BMPR1A: variants seen among roughly 807,000 people sequenced by gnomAD.
BMPR1A encodes the protein bone morphogenetic protein receptor type 1A.
A neutral mutation model predicts 66.0 loss-of-function variants in BMPR1A; 7 were observed. The observed-to-expected ratio is 0.11, with a 90% CI of 0.06 to 0.20. The LOEUF is 0.20. BMPR1A is among the 10% of genes least tolerant of loss of function. BMPR1A has a pLI of 1.00. For missense variants in BMPR1A, 408 were observed against 669.1 expected (o/e 0.61, Z 4.31); for synonymous variants, 200 against 229.7 (o/e 0.87, Z 1.17).
chr10:86,901,090 G>A (rs556642038), intron 7 of BMPR1A, among the ~76,000 whole-genome samples: 5 of 152,334 alleles, frequency 3.3e-5, no homozygotes, highest in Admixed American at 6.5e-5. Flanking sequence ...CATGCTATGT[G>A]GACACTCAAC....
chr10:86,766,624 T>TTTTTTTTA (rs1841167122), intron 1 of BMPR1A, among the ~76,000 whole-genome samples: 1 of 150,070 alleles, frequency 6.7e-6, no homozygotes, highest in African/African-American at 2.5e-5. Flanking sequence ...AGTCTTTTTT[T>TTTTTTTTA]TTTTTTTTTG....
chr10:86,921,502 G>C lies in BMPR1A; in HGVS notation c.1167-18G>C, dbSNP rs772767048. 1 of 1,613,706 alleles carries C rather than the reference G, an allele frequency of 6.2e-7. No individual in the cohort carries two copies. The highest frequency in any genetic ancestry group is 1.3e-5 in the African/African-American group (1 of 75,054). ...ATTTTTGGCCCTCAACTTGGACCTTGGCTTTCTTTTGTTTCAGTGACACAA... is the reference window on the plus strand; with the variant it reads ...ATTTTTGGCCCTCAACTTGGACCTTCGCTTTCTTTTGTTTCAGTGACACAA... On this transcript the variant is annotated intron_variant, in intron 10 of 12. Coordinates refer to ENST00000372037, the MANE Select transcript of BMPR1A (RefSeq NM_004329.3).
chr10:86,896,668 C>T (rs1843228116), intron 5 of BMPR1A, among the ~76,000 whole-genome samples: 1 of 152,070 alleles, frequency 6.6e-6, no homozygotes, highest in Non-Finnish European at 1.5e-5. Context: ...CTACTGAATG[C>T]ATTAAAAAAT....
At chr10:86,798,294 C>CT (rs1448304410) in intron 1 of BMPR1A, among the ~76,000 whole-genome samples, 2 of 152,046 alleles carry the variant, frequency 1.3e-5, no homozygotes, top group African/African-American at 4.8e-5. Context: ...AATTTCCATA[C>CT]TTAAAAAACT....
Position 86,925,788 on chromosome 10 carries a change from C to T in BMPR1A, c.*2069C>T, listed in dbSNP as rs368434240. The T allele has an allele frequency of 9.3e-3, 1,345 of 145,040 alleles. 21 individuals are homozygous for T. The highest frequency in any genetic ancestry group is 0.036 in the African/African-American group (1,257 of 34,696). The allele number at this position is 145,040 out of a possible 1,614,324, so 9.0% of individuals were successfully genotyped here. On this transcript the variant is annotated 3_prime_UTR_variant, in exon 13 of 13. Coordinates refer to ENST00000372037, the MANE Select transcript of BMPR1A (RefSeq NM_004329.3). The stretch of plus-strand genomic sequence containing the variant: ...CAGGCTGGACTGCGGACTGCAGTGG[C>T]GCAATCTCGGCTCACTGCAAGCTCC...
At chr10:86,860,334 A>G (rs1312365601) in intron 2 of BMPR1A, among the ~76,000 whole-genome samples, 2 of 152,174 alleles carry the variant, frequency 1.3e-5, no homozygotes, top group African/African-American at 4.8e-5. Context: ...AAGTTTTTAT[A>G]TATCTGTAGA....
At chr10:86,802,003 C>T (rs1037607816) in intron 1 of BMPR1A, among the ~76,000 whole-genome samples, 1 of 152,050 alleles carries the variant, frequency 6.6e-6, no homozygotes, top group Non-Finnish European at 1.5e-5. Flanking sequence ...TGTGAGCCAC[C>T]GCCCCCCACC....
chr10:86,906,083 C>CTT (rs1240383061), intron 7 of BMPR1A, among the ~76,000 whole-genome samples: 3 of 152,126 alleles, frequency 2.0e-5, no homozygotes, highest in Non-Finnish European at 2.9e-5. Context: ...GTCCTCTCAG[C>CTT]TTTTGTCTGC....
chr10:86,866,323 G>A (rs1036957426), intron 2 of BMPR1A, among the ~76,000 whole-genome samples: 1 of 109,250 alleles, frequency 9.2e-6, no homozygotes, highest in Non-Finnish European at 2.2e-5. Flanking sequence ...TTAACATGCA[G>A]TAACAAGTGG....
chr10:86,901,374 G>A lies in BMPR1A; in HGVS notation c.530+1248G>A, dbSNP rs564607919. Reference sequence around the variant, plus strand: ...CACAGTATTGGATAATCCAGTGTCCGACTTTCTGAAAATTGACTTTCAAGC... The same window carrying A: ...CACAGTATTGGATAATCCAGTGTCCAACTTTCTGAAAATTGACTTTCAAGC... On this transcript the variant is annotated intron_variant, in intron 7 of 12. Transcript: ENST00000372037. Among the ~76,000 whole-genome samples, 166 of 152,288 alleles carry A rather than the reference G, an allele frequency of 1.1e-3. 1 individual carries two copies. Among genetic ancestry groups the A allele is most frequent in the South Asian group, 2.7e-3 (13 of 4,828 alleles).
chr10:86,781,223 G>A (rs532861136), intron 1 of BMPR1A, among the ~76,000 whole-genome samples: 1 of 152,112 alleles, frequency 6.6e-6, no homozygotes, highest in Non-Finnish European at 1.5e-5. Flanking sequence ...TGAGTGTTGG[G>A]CGTCTGCTTT....
chr10:86,812,529 C>CAAATCCCAG (rs1841985328), intron 1 of BMPR1A, among the ~76,000 whole-genome samples: 1 of 152,170 alleles, frequency 6.6e-6, no homozygotes, highest in Non-Finnish European at 1.5e-5. Flanking sequence ...CAGCTAAGTA[C>CAAATCCCAG]CTAGGAATGG....
At chr10:86,899,401 T>C (rs1186188807) in intron 5 of BMPR1A, among the ~76,000 whole-genome samples, 1 of 152,264 alleles carries the variant, frequency 6.6e-6, no homozygotes, top group Admixed American at 6.5e-5. Context: ...CTGCAGCGCC[T>C]CTGCACGCTC....
At position 86,837,071 on chromosome 10, in the gene BMPR1A, C is replaced by T. The variant is rs373132716; in HGVS notation, c.-267-1794C>T. ...TGAAAGCTCTTTTGGTTATGTTATT[C>T]GCTATTTTTTAAACTTTAGATTTAG... On this transcript the variant is annotated intron_variant, in intron 1 of 12. Transcript: ENST00000372037. 1.6e-4 allele frequency among the ~76,000 whole-genome samples: 25 copies of T among 152,246 alleles called. 1 individual carries two copies. The highest frequency in any genetic ancestry group is 5.3e-4 in the African/African-American group (22 of 41,532).
At chr10:86,919,652 A>G (rs566992674) in intron 10 of BMPR1A, among the ~76,000 whole-genome samples, 183 bp downstream of exon 10, 3 of 151,994 alleles carry the variant, frequency 2.0e-5, no homozygotes, top group African/African-American at 7.2e-5. Flanking sequence ...TCCTATACAT[A>G]ATTCTTGATA....
intron 1 of BMPR1A, among the ~76,000 whole-genome samples, chr10:86,792,007 C>A (rs1338960393): frequency 1.3e-5 from 2 of 150,424 alleles, no homozygotes; most frequent in African/African-American, 2.4e-5. Flanking sequence ...GCGTGAGCCA[C>A]TGTTCCCAGC....
At position 86,925,424 on chromosome 10, in the gene BMPR1A, C is replaced by T. The variant is rs924508733; in HGVS notation, c.*1705C>T. 4.6e-6 allele frequency: 1 copy of T among 216,880 alleles called. No individual in the cohort carries two copies. Among genetic ancestry groups the T allele is most frequent in the Admixed American group, 5.8e-5 (1 of 17,264 alleles). The allele number at this position is 216,880 out of a possible 1,614,324, so 13.4% of individuals were successfully genotyped here. A position where few individuals can be genotyped will look rare whatever the true frequency, so the allele number is the denominator to read the frequency against. On this transcript the variant is annotated 3_prime_UTR_variant, in exon 13 of 13. Transcript: ENST00000372037. The stretch of plus-strand genomic sequence containing the variant: ...ATTTGACTATCATTTAAGGTTAAAA[C>T]TTACAAATTTGTCTGCACATCAAAT...
At chr10:86,785,812 T>TG (rs1488724781) in intron 1 of BMPR1A, among the ~76,000 whole-genome samples, 1 of 152,222 alleles carries the variant, frequency 6.6e-6, no homozygotes, top group Non-Finnish European at 1.5e-5. Context: ...GTTCTGCACT[T>TG]GCACCTTTAC....
chr10:86,856,432 G>A (rs930525492), intron 2 of BMPR1A, among the ~76,000 whole-genome samples: 4 of 152,168 alleles, frequency 2.6e-5, no homozygotes, highest in Non-Finnish European at 4.4e-5. Context: ...TCTTAAGGGT[G>A]AATTCTTTTA....
Sources: gnomAD v4.1 joint callset for allele counts (sites outside exome capture counted in the v4.1 genomes callset) on GRCh38, gnomAD v4.1.1 for gene constraint, MANE v1.5 for transcripts, NCBI Gene and HGNC (gene_info 2026-07-23, HGNC 2026-07-21) for gene names.